Variants in HACD2 observed in about 807,000 individuals in gnomAD.
HACD2 encodes the protein very-long-chain (3R)-3-hydroxyacyl-CoA dehydratase 2.
In HACD2, 15 loss-of-function variants were observed where a neutral mutation model predicts 31.0. The observed-to-expected ratio is 0.48, with a 90% CI of 0.32 to 0.75. The LOEUF (loss-of-function observed/expected upper bound fraction) is 0.75. Ranked by LOEUF, HACD2 falls within the 30% of genes least tolerant of loss-of-function variation. The probability of loss-of-function intolerance (pLI) is 0.03; values close to 1 mark genes in which losing one functional copy is unlikely to be tolerated. For missense variants in HACD2, 283 were observed against 313.0 expected (o/e 0.90, Z 0.72); for synonymous variants, 115 against 122.2 (o/e 0.94, Z 0.39).
At position 123,494,674 on chromosome 3, in the gene HACD2, T is replaced by A; in HGVS notation, c.*214A>T. The A allele has an allele frequency of 1.8e-6, 1 of 563,384 alleles. No individual in the cohort carries two copies. The highest frequency in any genetic ancestry group is 3.1e-6 in the Non-Finnish European group (1 of 321,968). 34.9% of individuals were successfully genotyped at this position (563,384 alleles called of 1,614,324 possible). ...AGAACTTCTGGTTGAAAGAGCATGC[T>A]GAAATGAACTGGCCAGGGTGTTTTA... On this transcript the variant is annotated 3_prime_UTR_variant, in exon 7 of 7. Transcript: ENST00000383657.
At chr3:123,549,204 T>C (rs1364641567) in intron 3 of HACD2, among the ~76,000 whole-genome samples, 1 of 151,920 alleles carries the variant, frequency 6.6e-6, no homozygotes, top group Non-Finnish European at 1.5e-5. Flanking sequence ...AAAAAAACAA[T>C]ATATTCCACC....
At chr3:123,530,724 A>G (rs1306603648) in intron 3 of HACD2, among the ~76,000 whole-genome samples, 1 of 150,650 alleles carries the variant, frequency 6.6e-6, no homozygotes, top group Non-Finnish European at 1.5e-5. Context: ...GTAATTTTTT[A>G]AAGTTTTTGT....
intron 1 of HACD2, 132 bp from the exon 2 acceptor site, chr3:123,582,461 C>T (rs1312429370): frequency 2.5e-5 from 13 of 519,548 alleles, no homozygotes; most frequent in East Asian, 1.6e-4. Context: ...GATTTATGGA[C>T]GATAGCTCTC....
At chr3:123,546,580 A>AT (rs1351998880) in intron 3 of HACD2, among the ~76,000 whole-genome samples, 1 of 152,200 alleles carries the variant, frequency 6.6e-6, no homozygotes, top group Non-Finnish European at 1.5e-5. Context: ...TCTTATAACC[A>AT]TAAGACTACA....
chr3:123,511,855 C>T (rs1275766425), intron 4 of HACD2, among the ~76,000 whole-genome samples: 10 of 152,156 alleles, frequency 6.6e-5, no homozygotes, highest in Non-Finnish European at 1.3e-4. Flanking sequence ...ATCTGATCCC[C>T]AATGCTGGGG....
chr3:123,568,558 C>T (rs1305578650), intron 2 of HACD2, among the ~76,000 whole-genome samples: 4 of 152,156 alleles, frequency 2.6e-5, no homozygotes, highest in Non-Finnish European at 4.4e-5. Flanking sequence ...ATTTCCAGTG[C>T]GTTGAGTGAG....
intron 3 of HACD2, among the ~76,000 whole-genome samples, chr3:123,531,600 C>CGTG (rs1407862074): frequency 6.6e-6 from 1 of 152,188 alleles, no homozygotes; most frequent in Non-Finnish European, 1.5e-5. Context: ...AGTGAGCCAC[C>CGTG]ACACCTGGTC....
intron 4 of HACD2, among the ~76,000 whole-genome samples, chr3:123,513,352 T>C (rs1024956854): frequency 3.3e-5 from 5 of 152,278 alleles, no homozygotes; most frequent in African/African-American, 1.2e-4. Flanking sequence ...CAGGAGTCAT[T>C]CCCACAAAAT....
At chr3:123,513,766 G>A (rs2056097218) in intron 4 of HACD2, among the ~76,000 whole-genome samples, 1 of 152,096 alleles carries the variant, frequency 6.6e-6, no homozygotes. Flanking sequence ...ATTCCAGAAT[G>A]GAGAAAAAAT....
At chr3:123,537,627 A>T (rs1263494822) in intron 3 of HACD2, among the ~76,000 whole-genome samples, 1 of 150,302 alleles carries the variant, frequency 6.7e-6, no homozygotes, top group East Asian at 1.9e-4. Context: ...AAAAAGTTTT[A>T]AAATTTTTTT....
chr3:123,564,315 A>G (rs1245962885), intron 3 of HACD2, among the ~76,000 whole-genome samples: 1 of 152,214 alleles, frequency 6.6e-6, no homozygotes, highest in Non-Finnish European at 1.5e-5. Context: ...GAGATCACCC[A>G]CAGAGGTTAT....
chr3:123,534,584 T>C (rs2056403140), intron 3 of HACD2, among the ~76,000 whole-genome samples: 1 of 152,206 alleles, frequency 6.6e-6, no homozygotes, highest in East Asian at 1.9e-4. Flanking sequence ...TATACTATAA[T>C]TTTTATTGTT....
intron 2 of HACD2, among the ~76,000 whole-genome samples, chr3:123,571,201 T>C (rs1041626671): frequency 1.3e-5 from 2 of 152,206 alleles, no homozygotes; most frequent in African/African-American, 4.8e-5. Flanking sequence ...AATACCTTCA[T>C]TTCACTTAAG....
chr3:123,551,211 C>A (rs1479899061), intron 3 of HACD2, among the ~76,000 whole-genome samples: 3 of 152,050 alleles, frequency 2.0e-5, no homozygotes, highest in African/African-American at 7.2e-5. Context: ...TCACACTGTC[C>A]CTCTGTGCTT....
intron 3 of HACD2, among the ~76,000 whole-genome samples, chr3:123,560,024 C>T (rs576816984): frequency 2.0e-5 from 3 of 152,278 alleles, no homozygotes; most frequent in South Asian, 2.1e-4. Flanking sequence ...GAGCAGGGAA[C>T]AACTAACAGA....
At chr3:123,504,888 A>AATGTG (rs1553755267) in intron 4 of HACD2, among the ~76,000 whole-genome samples, 1 of 72 alleles carries the variant, frequency 0.014, no homozygotes, top group South Asian at 0.5. Flanking sequence ...AAAATGGACA[A>AATGTG]ATGCATAACT....
chr3:123,523,856 TG>T (rs1191321903), intron 4 of HACD2, among the ~76,000 whole-genome samples: 1 of 152,194 alleles, frequency 6.6e-6, no homozygotes, highest in Non-Finnish European at 1.5e-5. Flanking sequence ...CTGGATTCCT[TG>T]GGCCTCTCTC....
At chr3:123,543,806 T>C (rs1357651055) in intron 3 of HACD2, 1 of 203,164 alleles carries the variant, frequency 4.9e-6, no homozygotes, top group African/African-American at 2.4e-5. Flanking sequence ...GGGATTTTTT[T>C]CTTTTCATTA....
chr3:123,581,504 G>A (rs2056966575), intron 2 of HACD2, among the ~76,000 whole-genome samples: 1 of 152,136 alleles, frequency 6.6e-6, no homozygotes, highest in African/African-American at 2.4e-5. Flanking sequence ...CCCACCATGT[G>A]GAGAGCCCAA....
Sources: gnomAD v4.1 joint callset for allele counts (sites outside exome capture counted in the v4.1 genomes callset) on GRCh38, gnomAD v4.1.1 for gene constraint, MANE v1.5 for transcripts, NCBI Gene and HGNC (gene_info 2026-07-23, HGNC 2026-07-21) for gene names.